The following SP1 variants were observed in gnomAD, a reference collection of about 807,000 sequenced individuals.
SP1 encodes the protein transcription factor Sp1.
A neutral mutation model predicts 66.3 loss-of-function variants in SP1; 6 were observed. The observed-to-expected ratio is 0.09, with a 90% CI of 0.05 to 0.18. The LOEUF (loss-of-function observed/expected upper bound fraction) is 0.18, where lower values mean the gene tolerates loss of function less well. SP1 is among the 10% of genes least tolerant of loss of function. SP1 has a pLI of 1.00. For missense variants in SP1, 848 were observed against 964.5 expected (o/e 0.88, Z 1.60); for synonymous variants, 417 against 360.8 (o/e 1.16, Z -1.77).
intron 5 of SP1, 54 bp downstream of exon 5, chr12:53,409,615 C>T (rs1938832978): frequency 7.4e-7 from 1 of 1,349,454 alleles, no homozygotes. Flanking sequence ...ATGAAAAACA[C>T]AAAATATACC....
In SP1 at chr12:53,383,219, C is replaced by G. The variant is rs758273728; in HGVS notation, c.1272C>G (p.Thr424=). Residue 424 remains threonine (T), a synonymous_variant, in exon 3 of 6, where the codon ACC becomes ACG. Transcript: ENST00000327443. ...AAGCAGCACCATTGTCAGGGCAGAC[C>G]TTTACAACTCAAGCCATCTCCCAGG... is the stretch of plus-strand genomic sequence containing the variant. ...ALQAAPLSGQ[T]FTTQAISQET... 3 of 1,614,206 alleles carry G rather than the reference C, an allele frequency of 1.9e-6. No homozygotes were observed. The highest frequency in any genetic ancestry group is 2.5e-6 in the Non-Finnish European group (3 of 1,180,038).
At chr12:53,397,980 CAAT>C (rs1476807911) in intron 3 of SP1, among the ~76,000 whole-genome samples, 1 of 152,196 alleles carries the variant, frequency 6.6e-6, no homozygotes, top group Non-Finnish European at 1.5e-5. Context: ...TCTTATCAGA[CAAT>C]GATATGGTTG....
At chr12:53,382,022 C>T in intron 2 of SP1, 88 bp from the exon 3 acceptor site, 1 of 1,329,658 alleles carries the variant, frequency 7.5e-7, no homozygotes, top group South Asian at 1.3e-5. Flanking sequence ...CTTGTCTGCA[C>T]TACGTTGCTG....
intron 3 of SP1, among the ~76,000 whole-genome samples, chr12:53,395,716 C>T (rs1230567303): frequency 1.3e-5 from 2 of 151,872 alleles, no homozygotes. Context: ...GCCTGTAATC[C>T]CAGCACTTTG....
At chr12:53,397,498 T>C (rs1938515613) in intron 3 of SP1, among the ~76,000 whole-genome samples, 1 of 149,088 alleles carries the variant, frequency 6.7e-6, no homozygotes, top group African/African-American at 2.5e-5. Flanking sequence ...GGAGTCTCTC[T>C]CTCTCACCCA....
At chr12:53,407,159 A>ATATAT (rs1273901056) in intron 4 of SP1, among the ~76,000 whole-genome samples, 2 of 149,838 alleles carry the variant, frequency 1.3e-5, no homozygotes, top group African/African-American at 4.9e-5. Flanking sequence ...TAAGACTCAG[A>ATATAT]GCTGGATGCA....
At chr12:53,410,836 C>T in intron 5 of SP1, 91 bp from the exon 6 acceptor site, 1 of 899,970 alleles carries the variant, frequency 1.1e-6, no homozygotes, top group Non-Finnish European at 1.8e-6. Flanking sequence ...TCATACTGGC[C>T]TTACTCAGCT....
At position 53,411,162 on chromosome 12, in the gene SP1, C is replaced by G. The variant is rs1191444918; in HGVS notation, c.2280C>G (p.Ala760=). 6.2e-6 allele frequency: 10 copies of G among 1,614,106 alleles called. No homozygotes were observed. Among genetic ancestry groups the G allele is most frequent in the Non-Finnish European group, 8.5e-6 (10 of 1,180,040 alleles). Residue 760 remains alanine, a synonymous_variant, in exon 6 of 6, where the codon GCC becomes GCG. Transcript: ENST00000327443. ...AMEAICPEGI[A]RLANSGINVM... is the part of the protein sequence containing the mutation. ...AGGCCATCTGTCCAGAGGGCATTGC[C>G]CGTCTTGCCAACAGTGGCATCAACG... is the stretch of plus-strand genomic sequence containing the variant.
rs367632612 is a variant in SP1 at position 53,382,198 on chromosome 12, C to T, written c.251C>T (p.Pro84Leu). 11 of 1,614,148 alleles carry T rather than the reference C, an allele frequency of 6.8e-6. No individual in the cohort carries two copies. Among genetic ancestry groups the T allele is most frequent in the South Asian group, 2.2e-5 (2 of 91,084 alleles). Residue 84 changes from proline (P) to leucine (L), a missense_variant, in exon 3 of 6, where the codon CCG (proline) becomes CTG (leucine). Physicochemically the swap from Pro to Leu is moderately conservative, Grantham distance 98. This residue lies in a region of SP1 where 606 missense variants were observed against 589.9 expected (regional missense o/e 1.03). Transcript: ENST00000327443. ...PNENSNNSQG[P>L]SQSGGTGELD... is the part of the protein sequence containing the mutation. ...GAGAACAGCAACAACTCCCAGGGCC[C>T]GAGTCAGTCAGGGGGAACAGGTGAG...
intron 3 of SP1, among the ~76,000 whole-genome samples, chr12:53,385,594 C>CAA (rs146062441): frequency 3.6e-5 from 4 of 111,562 alleles, no homozygotes; most frequent in Non-Finnish European, 3.7e-5. Flanking sequence ...GACTCCGTCT[C>CAA]AAAAAAAAAA....
Position 53,382,493 on chromosome 12 carries a change from T to A in SP1, c.546T>A (p.Val182=). Residue 182 remains valine, a synonymous_variant, in exon 3 of 6, where the codon GTT becomes GTA. Transcript: ENST00000327443. ...AAGTAATCCCACAGTTCCAGACCGTTGATGGGCAACAGCTGCAGTTTGCTG... is the reference window on the plus strand; with the variant it reads ...AAGTAATCCCACAGTTCCAGACCGTAGATGGGCAACAGCTGCAGTTTGCTG... ...QYQVIPQFQT[V]DGQQLQFAAT... 1 of 1,614,190 alleles carries A rather than the reference T, an allele frequency of 6.2e-7. No homozygotes were observed. The highest frequency in any genetic ancestry group is 8.5e-7 in the Non-Finnish European group (1 of 1,180,026).
chr12:53,382,987 C>T lies in SP1; in HGVS notation c.1040C>T (p.Ser347Leu), dbSNP rs1246867242. The change falls in exon 3 of 6, where the codon TCA (serine) becomes TTA (leucine). Residue 347 changes from serine (S) to leucine (L), a missense_variant. Transcript: ENST00000327443. ...GIMNFTTSGS[S>L]GTNSQGQTPQ... ...ATGAACTTTACTACCAGTGGATCAT[C>T]AGGGACCAACTCTCAAGGCCAGACA... 1.2e-6 allele frequency: 2 copies of T among 1,614,072 alleles called. No individual in the cohort carries two copies. Among genetic ancestry groups the T allele is most frequent in the Non-Finnish European group, 8.5e-7 (1 of 1,180,052 alleles).
intron 5 of SP1, 50 bp downstream of exon 5, chr12:53,409,611 AAC>A (rs1355601563): frequency 7.1e-7 from 1 of 1,416,570 alleles, no homozygotes; most frequent in African/African-American, 1.4e-5. Flanking sequence ...TAGAATGAAA[AAC>A]ACAAAATATA....
rs190373502 is a variant in SP1 at position 53,391,092 on chromosome 12, T to C, written c.1675+7470T>C. On this transcript the variant is annotated intron_variant, in intron 3 of 5. Coordinates refer to ENST00000327443, the MANE Select transcript of SP1 (RefSeq NM_138473.3). ...GTCTGTCAACTTTAGTAGATAATAA[T>C]TAGTTGAGTTTTTTCATTTTACTAT... is the stretch of plus-strand genomic sequence containing the variant. Among the ~76,000 whole-genome samples, 43 of 152,278 alleles carry C rather than the reference T, an allele frequency of 2.8e-4. No individual in the cohort carries two copies. In the East Asian group the frequency reaches 7.9e-3, roughly 28 times the overall value.
At chr12:53,408,958 C>T (rs978078307) in intron 4 of SP1, among the ~76,000 whole-genome samples, 5 of 151,836 alleles carry the variant, frequency 3.3e-5, no homozygotes, top group Non-Finnish European at 5.9e-5. Context: ...CAGTGGCTCA[C>T]GCCTGTAATC....
intron 3 of SP1, among the ~76,000 whole-genome samples, chr12:53,401,158 TTAAG>T (rs1409518966): frequency 6.6e-6 from 1 of 151,986 alleles, no homozygotes; most frequent in Non-Finnish European, 1.5e-5. Context: ...CCTAGAAATA[TTAAG>T]TTTTTCTGGC....
At chr12:53,388,079 T>C (rs1388442738) in intron 3 of SP1, among the ~76,000 whole-genome samples, 1 of 152,208 alleles carries the variant, frequency 6.6e-6, no homozygotes, top group Non-Finnish European at 1.5e-5. Context: ...AAAAATGTTT[T>C]ATAAACTAAA....
At chr12:53,395,953 C>G (rs1938477771) in intron 3 of SP1, among the ~76,000 whole-genome samples, 1 of 152,090 alleles carries the variant, frequency 6.6e-6, no homozygotes, top group African/African-American at 2.4e-5. Flanking sequence ...AACTCCATCT[C>G]TACTAAAAAT....
intron 2 of SP1, 135 bp from the exon 3 acceptor site, chr12:53,381,975 T>C: frequency 8.8e-7 from 1 of 1,136,928 alleles, no homozygotes; most frequent in Non-Finnish European, 1.2e-6. Context: ...GTTTCAGCAA[T>C]ACAGATAGGT....
Sources: gnomAD v4.1 joint callset for allele counts (sites outside exome capture counted in the v4.1 genomes callset) on GRCh38, gnomAD v4.1.1 for gene constraint, gnomAD v4.1.1 regional missense constraint, MANE v1.5 for transcripts, NCBI Gene and HGNC (gene_info 2026-07-23, HGNC 2026-07-21) for gene names.